The following PCDHA9 variants were observed in gnomAD, a reference collection of about 807,000 sequenced individuals.
PCDHA9 encodes the protein protocadherin alpha 9, also known as protocadherin alpha-9.
Under a neutral mutation model 62.0 loss-of-function variants are expected in PCDHA9, and 62 were observed. The ratio of observed to expected loss-of-function variants is 1.00; its 90% CI spans 0.81 to 1.23. The LOEUF (loss-of-function observed/expected upper bound fraction) is 1.23, where lower values mean the gene tolerates loss of function less well. PCDHA9 is among the 50% of genes most tolerant of loss of function. The probability of loss-of-function intolerance (pLI) is 0.00; values close to 1 mark genes in which losing one functional copy is unlikely to be tolerated. For synonymous variants in PCDHA9, 557 were observed against 567.6 expected (o/e 0.98, Z 0.27); for missense variants, 1,205 against 1,249.8 (o/e 0.96, Z 0.54).
At chr5:140,883,459 G>A in intron 1 of PCDHA9, 1 of 1,614,132 alleles carries the variant, frequency 6.2e-7, no homozygotes, top group Non-Finnish European at 8.5e-7. Context: ...CCTTCAAGCT[G>A]GTGTCCACCT....
At chr5:140,951,247 A>G (rs185452142) in intron 1 of PCDHA9, among the ~76,000 whole-genome samples, 1 of 152,230 alleles carries the variant, frequency 6.6e-6, no homozygotes, top group Non-Finnish European at 1.5e-5. Context: ...TTAGGAATGC[A>G]TCACATTTTT....
At chr5:140,945,377 C>T (rs1183566005) in intron 1 of PCDHA9, among the ~76,000 whole-genome samples, 3 of 151,814 alleles carry the variant, frequency 2.0e-5, no homozygotes, top group African/African-American at 7.3e-5. Context: ...CCATATTACC[C>T]AAAGCAATAT....
At chr5:140,993,468 AC>A (rs2097564676) in intron 3 of PCDHA9, among the ~76,000 whole-genome samples, 1 of 69,412 alleles carries the variant, frequency 1.4e-5, no homozygotes, top group South Asian at 5.5e-4. Context: ...TTTCTCACAC[AC>A]ACACACACAC....
chr5:140,966,546 C>T, intron 1 of PCDHA9: 1 of 466,228 alleles, frequency 2.1e-6, no homozygotes, highest in Non-Finnish European at 3.7e-6. Context: ...GACTCGGAGG[C>T]GAGCGGAGGA....
chr5:140,877,511 C>T (rs1582389090), intron 1 of PCDHA9: 2 of 1,613,808 alleles, frequency 1.2e-6, no homozygotes, highest in Non-Finnish European at 1.7e-6. Context: ...AAGACGTCGT[C>T]GCGGGCCTCA....
At chr5:140,882,811 C>T in intron 1 of PCDHA9, 2 of 1,614,192 alleles carry the variant, frequency 1.2e-6, no homozygotes, top group Non-Finnish European at 8.5e-7. Flanking sequence ...TCACTTTGGA[C>T]GCACAAAACA....
intron 1 of PCDHA9, among the ~76,000 whole-genome samples, chr5:140,944,186 GTTT>G (rs2093621428): frequency 6.6e-6 from 1 of 151,986 alleles, no homozygotes. Flanking sequence ...TTGTTGGTTT[GTTT>G]TGTTTTGTTT....
At chr5:140,911,257 A>G (rs1423375928) in intron 1 of PCDHA9, among the ~76,000 whole-genome samples, 1 of 152,156 alleles carries the variant, frequency 6.6e-6, no homozygotes, top group African/African-American at 2.4e-5. Context: ...ATCAGAATTT[A>G]TAATCTCAGT....
chr5:140,869,747 C>A (rs1554163400), intron 1 of PCDHA9: 1 of 1,613,276 alleles, frequency 6.2e-7, no homozygotes. Context: ...CTAACAGCTA[C>A]AGACGGGGGA....
chr5:140,879,923 G>C (rs2058180033), intron 1 of PCDHA9, among the ~76,000 whole-genome samples: 1 of 152,132 alleles, frequency 6.6e-6, no homozygotes, highest in South Asian at 2.1e-4. Context: ...GTTTTACAAA[G>C]GTACATGTGA....
chr5:140,864,619 T>A (rs895390232), intron 1 of PCDHA9: 2 of 152,222 alleles, frequency 1.3e-5, no homozygotes, highest in African/African-American at 4.8e-5. Flanking sequence ...TGTTCTTTTT[T>A]AAAAAGAAAA....
chr5:141,010,296 G>C lies in PCDHA9; in HGVS notation c.*359G>C. On this transcript the variant is annotated 3_prime_UTR_variant, in exon 4 of 4. Transcript: ENST00000532602. ...CTGTCTTGATGACACTTGCAGGGCA[G>C]GCTGAAAAGTTTTGAGATTGAGCAG... The C allele has an allele frequency of 1.3e-6, 2 of 1,549,428 alleles. No individual in the cohort carries two copies. The highest frequency in any genetic ancestry group is 1.7e-6 in the Non-Finnish European group (2 of 1,146,352).
chr5:140,901,331 G>A (rs545187943), intron 1 of PCDHA9, among the ~76,000 whole-genome samples: 66 of 152,062 alleles, frequency 4.3e-4, no homozygotes, highest in Non-Finnish European at 7.1e-4. Flanking sequence ...TCTTGTAGTC[G>A]TTTTATAGTT....
chr5:140,967,627 C>T (rs1218869340), intron 1 of PCDHA9: 5 of 1,614,158 alleles, frequency 3.1e-6, no homozygotes, highest in South Asian at 2.2e-5. Context: ...CGGATGAGGG[C>T]TCCAATGGTG....
At chr5:140,975,330 A>G (rs563974651) in intron 1 of PCDHA9, among the ~76,000 whole-genome samples, 1 of 152,320 alleles carries the variant, frequency 6.6e-6, no homozygotes, top group African/African-American at 2.4e-5. Flanking sequence ...CATCCAGATG[A>G]TCTCCCTTTC....
intron 1 of PCDHA9, chr5:140,969,237 C>T (rs1278018540): frequency 6.2e-7 from 1 of 1,614,156 alleles, no homozygotes; most frequent in African/African-American, 1.3e-5. Flanking sequence ...GGAGCCCAAG[C>T]AGCAGTGACT....
At chr5:140,871,659 T>C (rs2153275031) in intron 1 of PCDHA9, 1 of 1,218,398 alleles carries the variant, frequency 8.2e-7, no homozygotes, top group Non-Finnish European at 1.1e-6. Context: ...GATACACATC[T>C]TCAGTCTTTT....
chr5:141,004,591 A>G (rs1277305361), intron 3 of PCDHA9, among the ~76,000 whole-genome samples: 3 of 152,222 alleles, frequency 2.0e-5, no homozygotes, highest in Non-Finnish European at 2.9e-5. Context: ...TCTCCAGATG[A>G]CAGTGCTTAG....
chr5:140,883,256 A>G, intron 1 of PCDHA9: 2 of 1,614,146 alleles, frequency 1.2e-6, no homozygotes, highest in Non-Finnish European at 1.7e-6. Flanking sequence ...AAATATTCCA[A>G]TGGCGGGTCA....
Sources: gnomAD v4.1 joint callset for allele counts (sites outside exome capture counted in the v4.1 genomes callset) on GRCh38, gnomAD v4.1.1 for gene constraint, MANE v1.5 for transcripts, NCBI Gene and HGNC (gene_info 2026-07-23, HGNC 2026-07-21) for gene names.